The following PCBP2 variants were observed in gnomAD, a reference collection of about 807,000 sequenced individuals.
PCBP2 encodes poly(rC)-binding protein 2.
PCBP2 carries 4 observed loss-of-function variants against 50.1 expected under a neutral mutation model. The observed-to-expected ratio is 0.08, with a 90% CI of 0.04 to 0.18. PCBP2 has a LOEUF of 0.18. PCBP2 is among the 10% of genes least tolerant of loss of function. PCBP2 has a pLI of 1.00. For missense variants in PCBP2, 161 were observed against 474.3 expected (o/e 0.34, Z 6.14); for synonymous variants, 179 against 168.0 (o/e 1.07, Z -0.51).
intron 1 of PCBP2, among the ~76,000 whole-genome samples, chr12:53,452,640 C>T (rs1940634706): frequency 6.8e-6 from 1 of 147,974 alleles, no homozygotes. Flanking sequence ...GGCGCGCGCG[C>T]GGTAGGGGGG....
Position 53,479,424 on chromosome 12 carries a change from T to G in PCBP2, c.1071T>G (p.Gly357=). 4.3e-6 allele frequency: 7 copies of G among 1,614,024 alleles called. No individual in the cohort carries two copies. Among genetic ancestry groups the G allele is most frequent in the Non-Finnish European group, 5.9e-6 (7 of 1,179,944 alleles). ...LINVRLSSET[G]GMGSS ...GTTACAGGCTTTCCTCGGAGACGGGTGGCATGGGGAGCAGCTAGAACAATG... is the reference window on the plus strand; with the variant it reads ...GTTACAGGCTTTCCTCGGAGACGGGGGGCATGGGGAGCAGCTAGAACAATG... The change falls in exon 15 of 15, where the codon GGT becomes GGG. Residue 357 remains glycine (G), a synonymous_variant. Transcript: ENST00000546463.
chr12:53,462,163 A>G (rs904864311), intron 7 of PCBP2, among the ~76,000 whole-genome samples: 1 of 152,242 alleles, frequency 6.6e-6, no homozygotes, highest in African/African-American at 2.4e-5. Context: ...AATGTGAGAT[A>G]CTAAAAATTA....
At chr12:53,460,030 T>C (rs1941339168) in intron 6 of PCBP2, 2 of 284,488 alleles carry the variant, frequency 7.0e-6, no homozygotes, top group South Asian at 5.4e-5. Flanking sequence ...GTGTTATTAC[T>C]ACAGGCTTGA....
At chr12:53,463,744 T>G (rs1429687135) in intron 8 of PCBP2, among the ~76,000 whole-genome samples, 1 of 152,222 alleles carries the variant, frequency 6.6e-6, no homozygotes, top group Non-Finnish European at 1.5e-5. Flanking sequence ...TTTTGGTAGC[T>G]GCCTAAGCAA....
chr12:53,478,609 G>T (rs1942824789), intron 14 of PCBP2, among the ~76,000 whole-genome samples: 2 of 152,172 alleles, frequency 1.3e-5, no homozygotes, highest in South Asian at 2.1e-4. Context: ...TTTAAGACCT[G>T]CCTGGGAAAC....
chr12:53,469,133 C>G (rs952855760), intron 13 of PCBP2, among the ~76,000 whole-genome samples: 1 of 151,950 alleles, frequency 6.6e-6, no homozygotes, highest in Non-Finnish European at 1.5e-5. Flanking sequence ...AACTCCCGAG[C>G]TCAGGTGATC....
At chr12:53,474,827 C>A (rs1413322379) in intron 14 of PCBP2, 1 of 366,554 alleles carries the variant, frequency 2.7e-6, no homozygotes, top group Non-Finnish European at 5.5e-6. Flanking sequence ...GTCTTCCCTT[C>A]CACCCACCCT....
Position 53,471,811 on chromosome 12 carries a change from A to G in PCBP2, c.1052+4A>G, listed in dbSNP as rs754648106. 6.2e-7 allele frequency: 1 copy of G among 1,610,350 alleles called. No homozygotes were observed. The highest frequency in any genetic ancestry group is 8.5e-7 in the Non-Finnish European group (1 of 1,178,578). On this transcript the variant is annotated splice_donor_region_variant and intron_variant, in intron 14 of 14. Transcript: ENST00000546463. ...CTCAATATCTAATCAATGTCAGGTA[A>G]GATTGCTCTACCTTTTGTCTTATTT...
At chr12:53,454,937 C>A in intron 2 of PCBP2, 68 bp downstream of exon 2, 1 of 1,264,302 alleles carries the variant, frequency 7.9e-7, no homozygotes, top group Non-Finnish European at 1.2e-6. Flanking sequence ...AGCAGACATG[C>A]ATCTTGGAGC....
In PCBP2 at chr12:53,479,606, T is replaced by C. The variant is rs1942916203; in HGVS notation, c.*164T>C. 1 of 532,922 alleles carries C rather than the reference T, an allele frequency of 1.9e-6. No homozygotes were observed. Among genetic ancestry groups the C allele is most frequent in the African/African-American group, 1.9e-5 (1 of 52,762 alleles). The allele number at this position is 532,922 out of a possible 1,614,324, so 33.0% of individuals were successfully genotyped here. A position where few individuals can be genotyped will look rare whatever the true frequency, so the allele number is the denominator to read the frequency against. ...TCGTGATTTTTTAATTAAAGCGTTT[T>C]AATTCCTTTCTCTGTTCAGCTGTTG... On this transcript the variant is annotated 3_prime_UTR_variant, in exon 15 of 15. Transcript: ENST00000546463.
intron 5 of PCBP2, among the ~76,000 whole-genome samples, chr12:53,456,993 G>A (rs892255550): frequency 7.2e-5 from 11 of 152,040 alleles, no homozygotes; most frequent in Non-Finnish European, 2.9e-5. Flanking sequence ...TAGAAAACAC[G>A]TTTTATTCTT....
rs189795921 is a variant in PCBP2 at position 53,480,591 on chromosome 12, A to G, written c.*1149A>G. On this transcript the variant is annotated 3_prime_UTR_variant, in exon 15 of 15. Coordinates refer to ENST00000546463, the MANE Select transcript of PCBP2 (RefSeq NM_031989.5). ...CACCAGGATAAAAGCAGGGACTTAA[A>G]CAGCACCCCGGTTCTTCAGCCTGAG... 7.4e-4 allele frequency: 113 copies of G among 152,792 alleles called. 1 individual carries two copies. The highest frequency in any genetic ancestry group is 2.5e-3 in the African/African-American group (105 of 41,542). The allele number at this position is 152,792 out of a possible 1,614,324, so 9.5% of individuals were successfully genotyped here.
intron 1 of PCBP2, among the ~76,000 whole-genome samples, chr12:53,453,521 C>T (rs928839274): frequency 6.6e-6 from 1 of 152,174 alleles, no homozygotes; most frequent in Non-Finnish European, 1.5e-5. Flanking sequence ...TTGCCATATA[C>T]AGAATGGTGT....
rs1228043477 is a variant in PCBP2 at position 53,467,213 on chromosome 12, C to G, written c.715-8C>G. ...TTCTAATGCCAACCTCCTGTTTCCT[C>G]CTTGCAGTTGACCAAGCTGCACCAG... On this transcript the variant is annotated splice_region_variant and splice_polypyrimidine_tract_variant and intron_variant, in intron 10 of 14. Transcript: ENST00000546463. 1 of 1,611,090 alleles carries G rather than the reference C, an allele frequency of 6.2e-7. No individual in the cohort carries two copies. The highest frequency in any genetic ancestry group is 8.5e-7 in the Non-Finnish European group (1 of 1,177,644).
chr12:53,456,152 C>T (rs867186365), intron 5 of PCBP2, 151 bp downstream of exon 5: 11 of 647,966 alleles, frequency 1.7e-5, no homozygotes, highest in South Asian at 7.1e-5. Flanking sequence ...CCACAAAATT[C>T]GAGCATTTGT....
intron 1 of PCBP2, among the ~76,000 whole-genome samples, chr12:53,454,112 G>A (rs1433783466): frequency 6.6e-6 from 1 of 152,204 alleles, no homozygotes; most frequent in Non-Finnish European, 1.5e-5. Flanking sequence ...TTCTAAAGGG[G>A]AATATGGAAC....
At chr12:53,458,254 A>C (rs538403165) in intron 5 of PCBP2, among the ~76,000 whole-genome samples, 1 of 151,860 alleles carries the variant, frequency 6.6e-6, no homozygotes, top group Admixed American at 6.6e-5. Flanking sequence ...ACAGGGTAGA[A>C]TTGATGTAAA....
intron 5 of PCBP2, among the ~76,000 whole-genome samples, chr12:53,457,751 T>A (rs1375205145): frequency 6.6e-6 from 1 of 152,170 alleles, no homozygotes; most frequent in East Asian, 1.9e-4. Context: ...CTTAAGTGCT[T>A]AAGCAGTTTC....
intron 14 of PCBP2, 98 bp downstream of exon 14, chr12:53,471,905 G>A (rs1942261869): frequency 9.9e-7 from 1 of 1,007,492 alleles, no homozygotes; most frequent in African/African-American, 1.7e-5. Flanking sequence ...CATGGGCGAT[G>A]GGTAAAGATG....
Sources: gnomAD v4.1 joint callset for allele counts (sites outside exome capture counted in the v4.1 genomes callset) on GRCh38, gnomAD v4.1.1 for gene constraint, MANE v1.5 for transcripts, NCBI Gene and HGNC (gene_info 2026-07-23, HGNC 2026-07-21) for gene names.